The following ATG4B variants were observed in gnomAD, a reference collection of about 807,000 sequenced individuals.
ATG4B encodes cysteine protease ATG4B.
In ATG4B, 29 loss-of-function variants were observed where a neutral mutation model predicts 56.6. That is an observed-to-expected ratio of 0.51 (90% CI 0.38 to 0.70). The LOEUF (loss-of-function observed/expected upper bound fraction) is 0.70. ATG4B is among the 30% of genes least tolerant of loss of function. ATG4B has a pLI of 0.00. For synonymous variants in ATG4B, 224 were observed against 206.1 expected, an observed-to-expected ratio of 1.09 and a Z score of -0.74; for missense variants, 461 against 515.5, an observed-to-expected ratio of 0.89 and a Z score of 1.02.
intron 1 of ATG4B, among the ~76,000 whole-genome samples, chr2:241,644,714 C>T (rs1363189421): frequency 1.3e-5 from 2 of 152,274 alleles, no homozygotes; most frequent in East Asian, 3.9e-4. Flanking sequence ...CTTTCGGAAG[C>T]TGATGTGGGC....
chr2:241,641,277 G>A (rs1312952546), intron 1 of ATG4B, among the ~76,000 whole-genome samples: 1 of 152,226 alleles, frequency 6.6e-6, no homozygotes, highest in Non-Finnish European at 1.5e-5. Flanking sequence ...GGGGGCGGGC[G>A]TGGTGGCTCA....
intron 7 of ATG4B, among the ~76,000 whole-genome samples, chr2:241,660,633 C>G (rs780183328): frequency 2.0e-5 from 3 of 152,218 alleles, no homozygotes; most frequent in Non-Finnish European, 4.4e-5. Context: ...GATTTTACCA[C>G]TCAGAAATAA....
rs140499890 is a variant in ATG4B at position 241,644,538 on chromosome 2, G to A, written c.11-6472G>A. Among the ~76,000 whole-genome samples the A allele has an allele frequency of 7.9e-3, 1,197 of 152,256 alleles. 16 individuals are homozygous for A. Among genetic ancestry groups the A allele is most frequent in the African/African-American group, 0.028 (1,163 of 41,534 alleles). On this transcript the variant is annotated intron_variant, in intron 1 of 12. Transcript: ENST00000404914. ...GGCCTGTGTCTGTCCTGTAGCTATC[G>A]ACCAGGCTCTCAGACTCCAGAAACA... is the stretch of plus-strand genomic sequence containing the variant.
At chr2:241,660,367 C>T (rs149865931) in intron 7 of ATG4B, among the ~76,000 whole-genome samples, 1 of 152,160 alleles carries the variant, frequency 6.6e-6, no homozygotes, top group Non-Finnish European at 1.5e-5. Context: ...GTCTGGCCAT[C>T]CTCGGGGGCA....
intron 11 of ATG4B, 60 bp from the exon 12 acceptor site, chr2:241,671,252 C>A (rs111356569): frequency 5.0e-5 from 75 of 1,494,990 alleles, no homozygotes; most frequent in Non-Finnish European, 6.9e-5. Context: ...TGGCCCCTTT[C>A]TCTTGGCCGC....
intron 6 of ATG4B, 60 bp from the exon 7 acceptor site, chr2:241,659,048 C>A: frequency 7.3e-7 from 1 of 1,377,624 alleles, no homozygotes; most frequent in Non-Finnish European, 9.9e-7. Flanking sequence ...GCTATAGCTG[C>A]AAAGATGAAC....
intron 11 of ATG4B, among the ~76,000 whole-genome samples, chr2:241,671,027 T>C (rs1158994508): frequency 6.6e-6 from 1 of 152,220 alleles, no homozygotes; most frequent in East Asian, 1.9e-4. Context: ...GGATTTCCAG[T>C]GTCCTCATCC....
At chr2:241,671,847 C>G (rs1311164817) in intron 12 of ATG4B, 1 of 1,286,416 alleles carries the variant, frequency 7.8e-7, no homozygotes, top group East Asian at 3.6e-5. Context: ...GTGAGCGCGT[C>G]CTCCTCATCT....
chr2:241,637,778 G>A, intron 1 of ATG4B, 54 bp downstream of exon 1: 2 of 1,538,544 alleles, frequency 1.3e-6, no homozygotes, highest in Non-Finnish European at 1.7e-6. Context: ...CCTTATCATT[G>A]GCCTCCCCTG....
intron 8 of ATG4B, 51 bp downstream of exon 8, chr2:241,666,889 G>A (rs1360140524): frequency 1.8e-5 from 28 of 1,519,334 alleles, no homozygotes; most frequent in African/African-American, 2.8e-5. Context: ...CCTTCTCCCA[G>A]TTCTTAGTCA....
chr2:241,646,235 A>C (rs529467032), intron 1 of ATG4B, among the ~76,000 whole-genome samples: 4 of 152,272 alleles, frequency 2.6e-5, no homozygotes, highest in Admixed American at 2.0e-4. Flanking sequence ...AAAATCCCTC[A>C]ACTTCACAGC....
In ATG4B at chr2:241,659,137, C is replaced by G. The variant is rs1559262830; in HGVS notation, c.488C>G (p.Ser163Cys). ...KKLAVFDTWS[S>C]LAVHIAMDNT... ...CTTGCTGTCTTCGATACGTGGAGCT[C>G]CTTGGCGGTCCACATTGCAATGGAC... The change falls in exon 7 of 13, where the codon TCC becomes TGC. Residue 163 changes from serine to cysteine, a missense_variant. Coordinates refer to ENST00000404914, the MANE Select transcript of ATG4B (RefSeq NM_013325.5). 2 of 1,612,626 alleles carry G rather than the reference C, an allele frequency of 1.2e-6. No individual in the cohort carries two copies. The highest frequency in any genetic ancestry group is 2.7e-5 in the African/African-American group (2 of 75,072).
At chr2:241,669,124 G>C (rs558433661) in intron 10 of ATG4B, among the ~76,000 whole-genome samples, 1 of 151,108 alleles carries the variant, frequency 6.6e-6, no homozygotes, top group African/African-American at 2.4e-5. Context: ...TTTGTTTTCC[G>C]GAGGCTCTGA....
At position 241,651,140 on chromosome 2, in the gene ATG4B, TCTGACCGCTTGGC is replaced by T; in HGVS notation, c.112+33_112+45del. 1 of 1,593,956 alleles carries T rather than the reference TCTGACCGCTTGGC, an allele frequency of 6.3e-7. No homozygotes were observed. Among genetic ancestry groups the T allele is most frequent in the African/African-American group, 1.3e-5 (1 of 74,684 alleles). ...TCGGCCATGCTGGAGCCCACCCTGG[TCTGACCGCTTGGC>T]CTGCAGAAGCATTTTGTGATCACTG... On this transcript the variant is annotated intron_variant, in intron 2 of 12. Coordinates refer to ENST00000404914, the MANE Select transcript of ATG4B (RefSeq NM_013325.5). The surrounding 1 kb of genome is among the most constrained non-coding windows in gnomAD (Gnocchi z 4.1).
intron 7 of ATG4B, among the ~76,000 whole-genome samples, chr2:241,661,801 G>GTC (rs2068602229): frequency 6.6e-6 from 1 of 151,934 alleles, no homozygotes; most frequent in African/African-American, 2.4e-5. Flanking sequence ...AGGCCAGCCA[G>GTC]GACATCCTTA....
chr2:241,659,884 AT>A (rs2068537006), intron 7 of ATG4B: 1 of 157,828 alleles, frequency 6.3e-6, no homozygotes, highest in African/African-American at 2.4e-5. Flanking sequence ...CTTGAATCCA[AT>A]TTTCCATAAG....
At chr2:241,671,567 T>A in intron 12 of ATG4B, 162 bp downstream of exon 12, 1 of 1,526,916 alleles carries the variant, frequency 6.5e-7, no homozygotes, top group Non-Finnish European at 8.8e-7. Flanking sequence ...GAGTGGAGCG[T>A]CCCCTCCTCC....
At chr2:241,648,227 T>A (rs2068120695) in intron 1 of ATG4B, among the ~76,000 whole-genome samples, 1 of 152,184 alleles carries the variant, frequency 6.6e-6, no homozygotes, top group Admixed American at 6.5e-5. Flanking sequence ...AAACTTGGAC[T>A]TTATTTATTC....
chr2:241,669,425 G>C (rs1477108964), intron 10 of ATG4B, among the ~76,000 whole-genome samples: 5 of 152,226 alleles, frequency 3.3e-5, no homozygotes, highest in Non-Finnish European at 5.9e-5. Flanking sequence ...CAGCCCCAGA[G>C]TGCACACCAC....
Sources: gnomAD v4.1 joint callset for allele counts (sites outside exome capture counted in the v4.1 genomes callset) on GRCh38, gnomAD v4.1.1 for gene constraint, Gnocchi (gnomAD v3.1) non-coding constraint, MANE v1.5 for transcripts, NCBI Gene and HGNC (gene_info 2026-07-23, HGNC 2026-07-21) for gene names.